The following CSMD1 variants were observed in gnomAD, a reference collection of about 807,000 sequenced individuals.
The protein encoded by CSMD1 is CUB and sushi domain-containing protein 1.
Under a neutral mutation model 417.5 loss-of-function variants are expected in CSMD1, and 213 were observed. The observed-to-expected ratio is 0.51, with a 90% confidence interval of 0.46 to 0.57. The LOEUF (loss-of-function observed/expected upper bound fraction) is 0.57, where lower values mean the gene tolerates loss of function less well. Among genes scored for constraint, CSMD1 ranks in the 20% least tolerant of loss-of-function variants. The pLI is 0.00. For missense variants in CSMD1, 6,923 were observed against 4,529.7 expected, an observed-to-expected ratio of 1.53 and a Z score of -15.17; for synonymous variants, 2,862 against 1,736.8, an observed-to-expected ratio of 1.65 and a Z score of -16.11.
intron 3 of CSMD1, among the ~76,000 whole-genome samples, chr8:4,051,052 C>G (rs1468696268): frequency 6.6e-6 from 1 of 152,044 alleles, no homozygotes; most frequent in Non-Finnish European, 1.5e-5. Flanking sequence ...CTGAAATCCT[C>G]TCTGGCTTTG....
chr8:4,359,441 C>A lies in CSMD1; in HGVS notation c.415+60512G>T, dbSNP rs199695255. ...TTGTTTTTCTTCCTATTTTCTCGAG[C>A]AATTTAAAGCTAAGCCATTCTTTAA... On this transcript the variant is annotated intron_variant, in intron 3 of 69. Transcript: ENST00000635120. Among the ~76,000 whole-genome samples the A allele has an allele frequency of 1.1e-4, 17 of 152,244 alleles. No individual in the cohort carries two copies. In the East Asian group the frequency reaches 3.1e-3, roughly 28 times the overall value.
chr8:4,816,360 T>A lies in CSMD1; in HGVS notation c.85+177972A>T, dbSNP rs565068479. Among the ~76,000 whole-genome samples, 18 of 151,944 alleles carry A rather than the reference T, an allele frequency of 1.2e-4. No homozygotes were observed. In the South Asian group the frequency reaches 3.3e-3, roughly 28 times the overall value. ...TCACCACACCTGGGTAATTTTTGAA[T>A]CTTTAGTACAAAGCGGGAGATGGGG... On this transcript the variant is annotated intron_variant, in intron 1 of 69. Coordinates refer to ENST00000635120, the MANE Select transcript of CSMD1 (RefSeq NM_033225.6).
chr8:3,304,069 T>C (rs1414405581), intron 25 of CSMD1, among the ~76,000 whole-genome samples: 2 of 152,262 alleles, frequency 1.3e-5, no homozygotes, highest in Middle Eastern at 3.4e-3. Context: ...TGGCCTAAAG[T>C]AAAATATTGA....
intron 1 of CSMD1, among the ~76,000 whole-genome samples, chr8:4,686,955 T>A (rs1040681459): frequency 5.3e-5 from 8 of 152,124 alleles, no homozygotes; most frequent in African/African-American, 1.9e-4. Flanking sequence ...GAGACACGTC[T>A]CCAGTCCTGA....
At chr8:4,043,797 C>G (rs573740526) in intron 3 of CSMD1, among the ~76,000 whole-genome samples, 15 of 152,226 alleles carry the variant, frequency 9.9e-5, no homozygotes, top group Admixed American at 4.6e-4. Context: ...TATGGTATTT[C>G]AAACCTTACA....
intron 5 of CSMD1, among the ~76,000 whole-genome samples, chr8:3,774,800 A>G (rs1400444685): frequency 1.3e-5 from 2 of 152,286 alleles, no homozygotes; most frequent in East Asian, 1.9e-4. Flanking sequence ...TTTTTAAGCC[A>G]TGACTGTGCT....
At chr8:3,518,530 G>T (rs1015275816) in intron 10 of CSMD1, among the ~76,000 whole-genome samples, 1 of 152,136 alleles carries the variant, frequency 6.6e-6, no homozygotes, top group East Asian at 1.9e-4. Flanking sequence ...AATGATCAAT[G>T]ATTGCCATAA....
At chr8:4,787,403 G>A (rs1043084552) in intron 1 of CSMD1, 6 of 741,426 alleles carry the variant, frequency 8.1e-6, no homozygotes, top group African/African-American at 3.5e-5. Flanking sequence ...TCTACGAAAA[G>A]TCCTCCTGCA....
chr8:3,790,581 T>A (rs929280986), intron 5 of CSMD1, among the ~76,000 whole-genome samples: 9 of 152,190 alleles, frequency 5.9e-5, no homozygotes, highest in African/African-American at 1.4e-4. Context: ...AATTTTTTTT[T>A]ATGTTTTTGG....
intron 23 of CSMD1, 151 bp downstream of exon 23, chr8:3,343,143 C>T: frequency 3.4e-6 from 2 of 596,282 alleles, no homozygotes; most frequent in Non-Finnish European, 5.9e-6. Flanking sequence ...TCCGAATATA[C>T]AACCAGTCAA....
At chr8:3,768,391 C>T (rs1377453283) in intron 5 of CSMD1, among the ~76,000 whole-genome samples, 2 of 152,156 alleles carry the variant, frequency 1.3e-5, no homozygotes, top group Non-Finnish European at 2.9e-5. Flanking sequence ...TAAGGAGTAA[C>T]ATTCCTTTAG....
intron 1 of CSMD1, among the ~76,000 whole-genome samples, chr8:4,671,153 T>C (rs1805299987): frequency 6.6e-6 from 1 of 152,216 alleles, no homozygotes; most frequent in Admixed American, 6.5e-5. Context: ...TCCTGCGGCA[T>C]GATTTATGTA....
In CSMD1 at chr8:4,890,521, A is replaced by C. The variant is rs114473594; in HGVS notation, c.85+103811T>G. 1.2e-3 allele frequency among the ~76,000 whole-genome samples: 180 copies of C among 150,962 alleles called. 3 individuals carry two copies. Among genetic ancestry groups the C allele is most frequent in the African/African-American group, 4.2e-3 (171 of 40,808 alleles). The stretch of plus-strand genomic sequence containing the variant: ...GGGTATCCTGGGCAGGACAGGTGAG[A>C]GCGTGACTCTGACACCCTCCTCTCC... On this transcript the variant is annotated intron_variant, in intron 1 of 69. Coordinates refer to ENST00000635120, the MANE Select transcript of CSMD1 (RefSeq NM_033225.6).
chr8:4,099,063 T>C (rs1490916906), intron 3 of CSMD1, among the ~76,000 whole-genome samples: 1 of 152,166 alleles, frequency 6.6e-6, no homozygotes, highest in Admixed American at 6.5e-5. Context: ...TCTGTTTTTT[T>C]CTTCTTCATT....
At chr8:4,638,802 T>A (rs11993465) in intron 1 of CSMD1, among the ~76,000 whole-genome samples, 10 of 152,120 alleles carry the variant, frequency 6.6e-5, no homozygotes, top group Non-Finnish European at 7.4e-5. Flanking sequence ...TGAAGGGCAA[T>A]TGAGTGCCAC....
intron 1 of CSMD1, among the ~76,000 whole-genome samples, chr8:4,815,522 C>T (rs1373104729): frequency 6.6e-6 from 1 of 151,308 alleles, no homozygotes; most frequent in Admixed American, 6.6e-5. Flanking sequence ...ACAGTGAAAC[C>T]CCATCTCTAC....
intron 3 of CSMD1, among the ~76,000 whole-genome samples, chr8:4,178,641 G>C (rs1798187956): frequency 6.6e-6 from 1 of 152,058 alleles, no homozygotes; most frequent in South Asian, 2.1e-4. Context: ...AAGTCAAATT[G>C]TCCCTTTTTG....
chr8:4,098,658 T>G (rs116627172), intron 3 of CSMD1, among the ~76,000 whole-genome samples: 1 of 152,194 alleles, frequency 6.6e-6, no homozygotes, highest in African/African-American at 2.4e-5. Flanking sequence ...TGGTTTTTAA[T>G]TCTTCACTGT....
intron 3 of CSMD1, among the ~76,000 whole-genome samples, chr8:4,392,968 C>G (rs1327378590): frequency 6.6e-6 from 1 of 151,560 alleles, no homozygotes; most frequent in Non-Finnish European, 1.5e-5. Context: ...GACACTGTGT[C>G]AAAAATAAAA....
Sources: allele counts gnomAD v4.1 joint callset (sites outside exome capture counted in the v4.1 genomes callset), GRCh38; gene constraint gnomAD v4.1.1; transcripts MANE v1.5; gene names NCBI Gene and HGNC (gene_info 2026-07-23, HGNC 2026-07-21).